MAGI2: variants seen among roughly 807,000 people sequenced by gnomAD.
MAGI2 encodes the protein membrane-associated guanylate kinase, WW and PDZ domain-containing protein 2.
In MAGI2, 35 loss-of-function variants were observed where a neutral mutation model predicts 133.3. The ratio of observed to expected loss-of-function variants is 0.26; its 90% CI spans 0.20 to 0.35. MAGI2 has a LOEUF of 0.35. MAGI2 is among the 10% of genes least tolerant of loss of function. The pLI is 1.00. For synonymous variants in MAGI2, 729 were observed against 710.6 expected, an observed-to-expected ratio of 1.03 and a Z score of -0.41; for missense variants, 1,636 against 1,863.4, an observed-to-expected ratio of 0.88 and a Z score of 2.25.
chr7:78,905,586 T>C (rs1333166925), intron 2 of MAGI2, among the ~76,000 whole-genome samples: 4 of 152,188 alleles, frequency 2.6e-5, no homozygotes, highest in Non-Finnish European at 4.4e-5. Context: ...CTGCCTAGAG[T>C]GCCCTTTCCA....
chr7:79,311,317 A>G (rs1585525633), intron 1 of MAGI2, among the ~76,000 whole-genome samples: 1 of 152,236 alleles, frequency 6.6e-6, no homozygotes, highest in Middle Eastern at 3.4e-3. Flanking sequence ...AAAATACACT[A>G]ACACTAATAA....
intron 9 of MAGI2, among the ~76,000 whole-genome samples, chr7:78,320,049 C>T (rs1326140090): frequency 4.6e-5 from 7 of 152,206 alleles, no homozygotes; most frequent in Admixed American, 2.6e-4. Flanking sequence ...TTCCTGGACA[C>T]ATGCACTCTC....
intron 1 of MAGI2, among the ~76,000 whole-genome samples, chr7:79,251,074 T>TA (rs758609688): frequency 5.9e-5 from 9 of 152,116 alleles, no homozygotes; most frequent in Admixed American, 1.3e-4. Flanking sequence ...TCTTGCCATA[T>TA]ACAAAAGCAA....
chr7:78,275,647 A>C (rs1408788314), intron 9 of MAGI2, among the ~76,000 whole-genome samples: 1 of 152,220 alleles, frequency 6.6e-6, no homozygotes, highest in Non-Finnish European at 1.5e-5. Flanking sequence ...ATGTACAATA[A>C]AGAAAACAAT....
At chr7:78,867,370 A>G (rs1218160569) in intron 2 of MAGI2, among the ~76,000 whole-genome samples, 3 of 150,688 alleles carry the variant, frequency 2.0e-5, no homozygotes, top group African/African-American at 7.3e-5. Flanking sequence ...ATAAAAAATG[A>G]TGAGTTCATG....
In MAGI2 at chr7:78,176,609, C is replaced by A. The variant is rs1165064912; in HGVS notation, c.2403+1402G>T. ...CTACTTTACTCTGAGACAGTTTTAACCGTTTCAGATTCCTCTCATTTATTA... is the reference window on the plus strand; with the variant it reads ...CTACTTTACTCTGAGACAGTTTTAAACGTTTCAGATTCCTCTCATTTATTA... On this transcript the variant is annotated intron_variant, in intron 14 of 21. Transcript: ENST00000354212. Among the ~76,000 whole-genome samples, 3 of 152,140 alleles carry A rather than the reference C, an allele frequency of 2.0e-5. No individual in the cohort carries two copies. The East Asian group carries it at 5.8e-4, about 29-fold the overall frequency.
At chr7:78,066,476 AT>A (rs903153180) in intron 21 of MAGI2, among the ~76,000 whole-genome samples, 4 of 143,448 alleles carry the variant, frequency 2.8e-5, no homozygotes, top group South Asian at 2.3e-4. Flanking sequence ...AAAAAAAAAA[AT>A]TCATAGTTGA....
chr7:78,617,040 G>C (rs1292552533), intron 3 of MAGI2: 1 of 152,120 alleles, frequency 6.6e-6, no homozygotes, highest in East Asian at 1.9e-4. Context: ...TAAATAATTG[G>C]AACAGAATAG....
At chr7:78,814,133 T>C (rs542568956) in intron 2 of MAGI2, among the ~76,000 whole-genome samples, 1 of 152,250 alleles carries the variant, frequency 6.6e-6, no homozygotes, top group East Asian at 1.9e-4. Flanking sequence ...CTTGTAGATC[T>C]AATAAGTGAG....
intron 9 of MAGI2, among the ~76,000 whole-genome samples, chr7:78,271,159 TGA>T (rs1794533796): frequency 6.6e-6 from 1 of 152,162 alleles, no homozygotes; most frequent in Admixed American, 6.5e-5. Flanking sequence ...CCTAGTTTAT[TGA>T]GAGTTTTTAG....
At chr7:79,032,447 G>A (rs1158749298) in intron 1 of MAGI2, among the ~76,000 whole-genome samples, 1 of 151,262 alleles carries the variant, frequency 6.6e-6, no homozygotes, top group Non-Finnish European at 1.5e-5. Flanking sequence ...GAACCCAGGA[G>A]GTGGAGGTTG....
intron 16 of MAGI2, among the ~76,000 whole-genome samples, chr7:78,155,104 A>G (rs1824259247): frequency 6.6e-6 from 1 of 152,256 alleles, no homozygotes; most frequent in South Asian, 2.1e-4. Context: ...TAACAATAAT[A>G]TAGCAATGAA....
intron 1 of MAGI2, among the ~76,000 whole-genome samples, chr7:79,272,717 T>TTAAG (rs1834962432): frequency 2.6e-4 from 1 of 3,870 alleles, no homozygotes; most frequent in Admixed American, 6.9e-3. Context: ...TTCTATAAGT[T>TTAAG]TAAATATAGT....
intron 1 of MAGI2, among the ~76,000 whole-genome samples, chr7:79,430,943 GC>G (rs1847736929): frequency 6.6e-6 from 1 of 152,178 alleles, no homozygotes; most frequent in African/African-American, 2.4e-5. Context: ...ATTAAAAGAT[GC>G]CTTCTGCAGT....
chr7:79,338,850 G>A (rs1468444260), intron 1 of MAGI2, among the ~76,000 whole-genome samples: 2 of 152,008 alleles, frequency 1.3e-5, no homozygotes, highest in Non-Finnish European at 2.9e-5. Flanking sequence ...ACCTACGGGG[G>A]GTACTCCCAC....
chr7:78,712,410 A>T (rs1819286226), intron 2 of MAGI2, among the ~76,000 whole-genome samples: 1 of 152,196 alleles, frequency 6.6e-6, no homozygotes, highest in Non-Finnish European at 1.5e-5. Context: ...TTGTATAACA[A>T]ATAGCTTATA....
At chr7:79,008,967 G>A (rs886381336) in intron 1 of MAGI2, 9 of 151,962 alleles carry the variant, frequency 5.9e-5, no homozygotes, top group African/African-American at 2.2e-4. Context: ...TGTCATTTCT[G>A]CCGGATTCTA....
At chr7:78,745,695 C>T (rs1208823726) in intron 2 of MAGI2, among the ~76,000 whole-genome samples, 1 of 152,078 alleles carries the variant, frequency 6.6e-6, no homozygotes, top group Non-Finnish European at 1.5e-5. Flanking sequence ...GAACAAGTTG[C>T]CCATTTAATT....
intron 9 of MAGI2, among the ~76,000 whole-genome samples, chr7:78,326,666 A>G (rs964290807): frequency 4.7e-5 from 7 of 149,808 alleles, no homozygotes; most frequent in African/African-American, 1.5e-4. Context: ...ATAAAAATAT[A>G]AGATAGTATT....
Sources: allele counts gnomAD v4.1 joint callset (sites outside exome capture counted in the v4.1 genomes callset), GRCh38; gene constraint gnomAD v4.1.1; transcripts MANE v1.5; gene names NCBI Gene and HGNC (gene_info 2026-07-23, HGNC 2026-07-21).